KLHL32: variants seen among roughly 807,000 people sequenced by gnomAD.
KLHL32 encodes the protein kelch-like protein 32.
KLHL32 carries 35 observed loss-of-function variants against 64.8 expected under a neutral mutation model. The ratio of observed to expected loss-of-function variants is 0.54; its 90% CI spans 0.41 to 0.72. The LOEUF (loss-of-function observed/expected upper bound fraction) is 0.72, where lower values mean the gene tolerates loss of function less well. Ranked by LOEUF, KLHL32 falls within the 30% of genes least tolerant of loss-of-function variation. The probability of loss-of-function intolerance (pLI) is 0.00; values close to 1 mark genes in which losing one functional copy is unlikely to be tolerated. For synonymous variants in KLHL32, 259 were observed against 281.0 expected, an observed-to-expected ratio of 0.92 and a Z score of 0.78; for missense variants, 589 against 768.5, an observed-to-expected ratio of 0.77 and a Z score of 2.76.
intron 2 of KLHL32, among the ~76,000 whole-genome samples, chr6:96,969,543 G>C (rs369842413): frequency 6.6e-6 from 1 of 152,060 alleles, no homozygotes; most frequent in African/African-American, 2.4e-5. Flanking sequence ...CCATGCCTAC[G>C]TTGTCTAGTG....
chr6:97,126,294 A>G (rs1798870295), intron 7 of KLHL32, among the ~76,000 whole-genome samples: 1 of 151,266 alleles, frequency 6.6e-6, no homozygotes, highest in South Asian at 2.1e-4. Flanking sequence ...ATATTTTATT[A>G]TCTAACATTT....
the KLHL32 span, among the ~76,000 whole-genome samples, chr6:96,904,339 C>CAAAAAAAAAAA: frequency 8.5e-5 from 9 of 106,076 alleles, no homozygotes; most frequent in Non-Finnish European, 1.3e-4. Context: ...AAGACTTTGT[C>CAAAAAAAAAAA]AAAAAAAAAA....
intron 1 of KLHL32, among the ~76,000 whole-genome samples, chr6:96,951,270 A>G (rs1424653709): frequency 1.3e-5 from 2 of 152,154 alleles, no homozygotes; most frequent in African/African-American, 4.8e-5. Flanking sequence ...TGTTTGCATG[A>G]GAGGAGATGT....
At chr6:96,952,851 A>G (rs895566368) in intron 1 of KLHL32, among the ~76,000 whole-genome samples, 1 of 152,128 alleles carries the variant, frequency 6.6e-6, no homozygotes, top group Non-Finnish European at 1.5e-5. Context: ...CTGGTGACCA[A>G]TTGACTCCAC....
rs527483357 is a variant in KLHL32 at position 97,003,051 on chromosome 6, A to G, written c.204+26874A>G. The stretch of plus-strand genomic sequence containing the variant: ...TGATTGCGGGTCAAATGGTAGTTCT[A>G]AGTTCTTTGAGAAATCGCCAAAGTT... On this transcript the variant is annotated intron_variant, in intron 3 of 10. Transcript: ENST00000369261. 1.2e-4 allele frequency among the ~76,000 whole-genome samples: 18 copies of G among 152,208 alleles called. No individual in the cohort carries two copies. The South Asian group carries it at 2.9e-3, about 25-fold the overall frequency.
chr6:96,957,896 C>T (rs984472330), intron 1 of KLHL32, among the ~76,000 whole-genome samples: 1 of 152,140 alleles, frequency 6.6e-6, no homozygotes, highest in Non-Finnish European at 1.5e-5. Flanking sequence ...CAAACTAAAA[C>T]ATCATGATTC....
At chr6:97,017,407 C>G (rs1025797261) in intron 3 of KLHL32, among the ~76,000 whole-genome samples, 2 of 152,208 alleles carry the variant, frequency 1.3e-5, no homozygotes, top group African/African-American at 4.8e-5. Context: ...GAGTTGCTGC[C>G]CTTCTCTAAC....
intron 1 of KLHL32, among the ~76,000 whole-genome samples, chr6:96,939,889 A>G (rs1582408424): frequency 6.6e-6 from 1 of 152,230 alleles, no homozygotes; most frequent in Non-Finnish European, 1.5e-5. Flanking sequence ...ATCAAAGGTC[A>G]TAGAAGTAGC....
chr6:97,068,944 A>G (rs1790251614), intron 5 of KLHL32, among the ~76,000 whole-genome samples: 2 of 152,212 alleles, frequency 1.3e-5, no homozygotes, highest in African/African-American at 4.8e-5. Flanking sequence ...GTGACCTGCA[A>G]GAGGAGGCGT....
intron 4 of KLHL32, among the ~76,000 whole-genome samples, chr6:97,046,338 C>T (rs1785927210): frequency 6.6e-6 from 1 of 152,152 alleles, no homozygotes; most frequent in East Asian, 1.9e-4. Context: ...ATTAGTCAAA[C>T]CGAGTCCTAC....
At chr6:96,998,551 C>A (rs1380312653) in intron 3 of KLHL32, among the ~76,000 whole-genome samples, 1 of 152,082 alleles carries the variant, frequency 6.6e-6, no homozygotes, top group Non-Finnish European at 1.5e-5. Flanking sequence ...TCCTAAATAG[C>A]AAAGCATTAC....
chr6:96,922,017 G>A (rs1768769265), upstream of KLHL32, among the ~76,000 whole-genome samples: 1 of 152,216 alleles, frequency 6.6e-6, no homozygotes, highest in Admixed American at 6.5e-5. Flanking sequence ...TTTCTTTCGT[G>A]TAAGACCTCA....
chr6:96,936,679 T>C (rs527834714), intron 1 of KLHL32, among the ~76,000 whole-genome samples: 1 of 152,296 alleles, frequency 6.6e-6, no homozygotes, highest in East Asian at 1.9e-4. Context: ...TAGACTCTTC[T>C]CCACACAGCA....
chr6:97,099,114 C>T (rs1444214754), intron 6 of KLHL32, among the ~76,000 whole-genome samples: 1 of 152,170 alleles, frequency 6.6e-6, no homozygotes, highest in Non-Finnish European at 1.5e-5. Context: ...TTCTGAGTTT[C>T]CCCACGTCTG....
intron 2 of KLHL32, among the ~76,000 whole-genome samples, chr6:96,975,688 G>C (rs1775615642): frequency 6.6e-6 from 1 of 152,176 alleles, no homozygotes; most frequent in Admixed American, 6.5e-5. Context: ...ACGGGACCCA[G>C]AAACAGAGGC....
chr6:97,019,777 T>G lies in KLHL32; in HGVS notation c.205-21715T>G, dbSNP rs1162313945. On this transcript the variant is annotated intron_variant, in intron 3 of 10. Transcript: ENST00000369261. ...GACATTCATGAAACAGCAAAAAAATTTTTATACTATTTTCTTTTTTTGAGA... is the reference window on the plus strand; with the variant it reads ...GACATTCATGAAACAGCAAAAAAATGTTTATACTATTTTCTTTTTTTGAGA... 4.6e-5 allele frequency among the ~76,000 whole-genome samples: 7 copies of G among 150,788 alleles called. No individual in the cohort carries two copies. In the East Asian group the frequency reaches 9.7e-4, roughly 21 times the overall value.
intron 4 of KLHL32, among the ~76,000 whole-genome samples, chr6:97,051,566 A>G (rs1786915051): frequency 6.6e-6 from 1 of 152,176 alleles, no homozygotes; most frequent in African/African-American, 2.4e-5. Flanking sequence ...TTCATAATCC[A>G]TGGTGTGCAT....
chr6:97,124,190 G>A (rs942492024), intron 7 of KLHL32, among the ~76,000 whole-genome samples: 1 of 152,176 alleles, frequency 6.6e-6, no homozygotes, highest in Non-Finnish European at 1.5e-5. Context: ...AGTTTCCAAG[G>A]TTTTTCTTTG....
At chr6:96,998,263 C>T (rs954852252) in intron 3 of KLHL32, among the ~76,000 whole-genome samples, 12 of 152,334 alleles carry the variant, frequency 7.9e-5, no homozygotes, top group East Asian at 1.9e-4. Context: ...CAGTCATCCA[C>T]GCCACAGCTT....
Sources: allele counts gnomAD v4.1 joint callset (sites outside exome capture counted in the v4.1 genomes callset), GRCh38; gene constraint gnomAD v4.1.1; transcripts MANE v1.5; gene names NCBI Gene and HGNC (gene_info 2026-07-23, HGNC 2026-07-21).